PACS1: variants seen among roughly 807,000 people sequenced by gnomAD.
The protein encoded by PACS1 is PACS-1.
PACS1 carries 24 observed loss-of-function variants against 115.0 expected under a neutral mutation model. That is an observed-to-expected ratio of 0.21 (90% CI 0.15 to 0.29). The LOEUF (loss-of-function observed/expected upper bound fraction) is 0.29, where lower values mean the gene tolerates loss of function less well. Among genes scored for constraint, PACS1 ranks in the 10% least tolerant of loss-of-function variants. The pLI is 1.00. For synonymous variants in PACS1, 453 were observed against 504.5 expected (o/e 0.90, Z 1.37); for missense variants, 838 against 1,251.2 (o/e 0.67, Z 4.98).
rs539557247 is a variant in PACS1 at position 66,199,368 on chromosome 11, T to C, written c.444+5795T>C. Among the ~76,000 whole-genome samples, 4 of 152,098 alleles carry C rather than the reference T, an allele frequency of 2.6e-5. No individual in the cohort carries two copies. In the East Asian group the frequency reaches 7.7e-4, roughly 29 times the overall value. On this transcript the variant is annotated intron_variant, in intron 2 of 23. Coordinates refer to ENST00000320580, the MANE Select transcript of PACS1 (RefSeq NM_018026.4). ...ATGAAGTTGAACTATAGAGTTTTTA[T>C]TGGTTTTCTCTTTGCTTCTTTGTTT... is the stretch of plus-strand genomic sequence containing the variant.
At position 66,211,722 on chromosome 11, in the gene PACS1, A is replaced by G. The variant is rs541014674; in HGVS notation, c.660+463A>G. ...TTAACATGAGAATACTCTGCTGTCTAAACTCCCTGCCACCATCAAGATCAG... is the reference window on the plus strand; with the variant it reads ...TTAACATGAGAATACTCTGCTGTCTGAACTCCCTGCCACCATCAAGATCAG... On this transcript the variant is annotated intron_variant, in intron 4 of 23. Transcript: ENST00000320580. Among the ~76,000 whole-genome samples, 4 of 152,312 alleles carry G rather than the reference A, an allele frequency of 2.6e-5. No individual in the cohort carries two copies. In the South Asian group the frequency reaches 6.2e-4, roughly 24 times the overall value.
At chr11:66,198,087 G>A (rs762038867) in intron 2 of PACS1, among the ~76,000 whole-genome samples, 14 of 152,158 alleles carry the variant, frequency 9.2e-5, no homozygotes, top group Non-Finnish European at 1.9e-4. Flanking sequence ...TTTTGCTTTT[G>A]TTTTTATTTT....
intron 1 of PACS1, among the ~76,000 whole-genome samples, chr11:66,173,672 C>T (rs1219623670): frequency 2.0e-5 from 3 of 151,746 alleles, no homozygotes; most frequent in African/African-American, 4.8e-5. Context: ...ATCATGCCAC[C>T]GCACTCCAGC....
At chr11:66,220,352 A>T (rs1370397755) in intron 8 of PACS1, 3 of 431,678 alleles carry the variant, frequency 6.9e-6, no homozygotes, top group Non-Finnish European at 4.2e-6. Flanking sequence ...GGTAGGAAGA[A>T]CCCACATGGG....
chr11:66,216,358 A>T (rs553501665), intron 5 of PACS1, 95 bp downstream of exon 5: 28 of 1,488,702 alleles, frequency 1.9e-5, no homozygotes, highest in Non-Finnish European at 2.5e-5. Flanking sequence ...TGGGCAAGAG[A>T]CCTTTAGAGA....
chr11:66,156,747 G>A (rs755274877), intron 1 of PACS1, among the ~76,000 whole-genome samples: 61 of 152,042 alleles, frequency 4.0e-4, no homozygotes, highest in Admixed American at 2.7e-3. Flanking sequence ...CCAGCTACTC[G>A]GGAGGCTGAG....
Position 66,216,162 on chromosome 11 carries a change from A to G in PACS1, c.704A>G (p.His235Arg). 6.2e-7 allele frequency: 1 copy of G among 1,614,032 alleles called. No individual in the cohort carries two copies. The highest frequency in any genetic ancestry group is 8.5e-7 in the Non-Finnish European group (1 of 1,179,988). ...GAAGGCGCACTGGTGCTTGGCCTACACAGCAACGTGAAGGATGTCTCTGTG... is the reference window on the plus strand; with the variant it reads ...GAAGGCGCACTGGTGCTTGGCCTACGCAGCAACGTGAAGGATGTCTCTGTG... ...PNEGALVLGL[H>R]SNVKDVSVPV... The change falls in exon 5 of 24, where the codon CAC becomes CGC. Residue 235 changes from histidine (H) to arginine (R), a missense_variant. Around this residue, in one of 6 missense-constraint regions of PACS1, gnomAD observed 223 missense variants for 354.0 expected, o/e 0.63. Coordinates refer to ENST00000320580, the MANE Select transcript of PACS1 (RefSeq NM_018026.4).
chr11:66,223,077 A>AC (rs1554991668), intron 10 of PACS1, among the ~76,000 whole-genome samples: 9 of 150,662 alleles, frequency 6.0e-5, no homozygotes, highest in African/African-American at 2.2e-4. Context: ...AAAAAAAAAA[A>AC]ACTCTTTCTA....
In PACS1 at chr11:66,103,005, A is replaced by G. The variant is rs377680440; in HGVS notation, c.356+32163A>G. Among the ~76,000 whole-genome samples, 23 of 150,778 alleles carry G rather than the reference A, an allele frequency of 1.5e-4. No homozygotes were observed. The East Asian group carries it at 3.2e-3, about 21-fold the overall frequency. On this transcript the variant is annotated intron_variant, in intron 1 of 23. Coordinates refer to ENST00000320580, the MANE Select transcript of PACS1 (RefSeq NM_018026.4). ...GCCACCACGCCCAGCTAATTTTTGT[A>G]TTTTTAGTAGAGAATGGGTTTTACC...
At chr11:66,174,931 A>T (rs1381957498) in intron 1 of PACS1, among the ~76,000 whole-genome samples, 1 of 152,190 alleles carries the variant, frequency 6.6e-6, no homozygotes, top group Admixed American at 6.5e-5. Context: ...CGGGTGGATC[A>T]CCTGAGGTCA....
At chr11:66,092,967 T>G (rs371273733) in intron 1 of PACS1, among the ~76,000 whole-genome samples, 21 of 152,218 alleles carry the variant, frequency 1.4e-4, no homozygotes, top group African/African-American at 4.6e-4. Flanking sequence ...CCAGCTTTGT[T>G]CTTTTGGCTT....
chr11:66,193,939 C>T (rs996140877), intron 2 of PACS1, among the ~76,000 whole-genome samples: 9 of 152,068 alleles, frequency 5.9e-5, no homozygotes, highest in African/African-American at 4.8e-5. Flanking sequence ...GGTAGATGCA[C>T]GGGTATGGGA....
At chr11:66,086,306 T>G (rs1857567976) in intron 1 of PACS1, among the ~76,000 whole-genome samples, 1 of 151,778 alleles carries the variant, frequency 6.6e-6, no homozygotes, top group Non-Finnish European at 1.5e-5. Context: ...GCCCGGCTAA[T>G]TTTTTGTATT....
At chr11:66,162,568 G>A (rs1042631420) in intron 1 of PACS1, among the ~76,000 whole-genome samples, 2 of 152,198 alleles carry the variant, frequency 1.3e-5, no homozygotes, top group African/African-American at 2.4e-5. Context: ...GGGGCCAGGC[G>A]GGATGCTCCC....
intron 1 of PACS1, among the ~76,000 whole-genome samples, chr11:66,178,213 T>C (rs1309384903): frequency 6.7e-6 from 1 of 150,172 alleles, no homozygotes; most frequent in African/African-American, 2.5e-5. Context: ...ATGACCTTTT[T>C]TCTCATTCCT....
chr11:66,162,717 A>G (rs1163579399), intron 1 of PACS1, among the ~76,000 whole-genome samples: 1 of 150,706 alleles, frequency 6.6e-6, no homozygotes, highest in Non-Finnish European at 1.5e-5. Flanking sequence ...TTAGGAGATG[A>G]AAACAAGGCA....
At chr11:66,201,145 G>A (rs1854783098) in intron 2 of PACS1, among the ~76,000 whole-genome samples, 1 of 152,180 alleles carries the variant, frequency 6.6e-6, no homozygotes, top group Non-Finnish European at 1.5e-5. Context: ...CTTGAACCCT[G>A]GAGGTGGAGG....
At chr11:66,134,460 G>A (rs557932635) in intron 1 of PACS1, among the ~76,000 whole-genome samples, 7 of 151,428 alleles carry the variant, frequency 4.6e-5, no homozygotes, top group African/African-American at 1.7e-4. Context: ...AGCTTTCTCT[G>A]GCCCTCCCTA....
At chr11:66,215,116 T>A (rs542148413) in intron 4 of PACS1, among the ~76,000 whole-genome samples, 19 of 151,704 alleles carry the variant, frequency 1.3e-4, no homozygotes, top group African/African-American at 4.6e-4. Flanking sequence ...GTATTTTTAG[T>A]AGAGACGGGG....
Sources: allele counts gnomAD v4.1 joint callset (sites outside exome capture counted in the v4.1 genomes callset), GRCh38; gene constraint gnomAD v4.1.1; regional missense constraint gnomAD v4.1.1; transcripts MANE v1.5; gene names NCBI Gene and HGNC (gene_info 2026-07-23, HGNC 2026-07-21).